The following POTEG variants were observed in gnomAD, a reference collection of about 807,000 sequenced individuals.
The protein encoded by POTEG is POTE ankyrin domain family member G, also known as ANKRD26-like family C member 2.
In POTEG, 2 loss-of-function variants were observed where a neutral mutation model predicts 49.6. The ratio of observed to expected loss-of-function variants is 0.04; its 90% CI spans 0.02 to 0.13. The LOEUF is 0.13. POTEG is among the 10% of genes least tolerant of loss of function. The probability of loss-of-function intolerance (pLI) is 1.00; values close to 1 mark genes in which losing one functional copy is unlikely to be tolerated. For missense variants in POTEG, 26 were observed against 545.2 expected, an observed-to-expected ratio of 0.05 and a Z score of 9.48; for synonymous variants, 7 against 186.6, an observed-to-expected ratio of 0.04 and a Z score of 7.84.
rs1305892213 is a variant in POTEG at position 19,434,046 on chromosome 14, T to G, written c.244A>C (p.Thr82Pro). ...CRGSSKSNVG[T>P]SGDHDDSAMK... ...GCAGAGTCGTCGTGGTCTCCAGAAG[T>G]GCCCACGTTGCTCTTGCTGCTCCCC... The change falls in exon 1 of 11, where the codon ACT becomes CCT. Residue 82 changes from threonine to proline, a missense_variant. By Grantham distance (38) the Thr-to-Pro change is conservative. Coordinates refer to ENST00000547848, the MANE Select transcript of POTEG (RefSeq NM_001005356.3). 2.1e-6 allele frequency: 3 copies of G among 1,404,046 alleles called. No individual in the cohort carries two copies. The highest frequency in any genetic ancestry group is 3.1e-5 in the African/African-American group (2 of 65,186). 87.0% of individuals were successfully genotyped at this position (1,404,046 alleles called of 1,614,324 possible). A position where few individuals can be genotyped will look rare whatever the true frequency, so the allele number is the denominator to read the frequency against.
At chr14:19,432,366 G>GTATATA (rs58599371) in intron 1 of POTEG, among the ~76,000 whole-genome samples, 553 of 37,626 alleles carry the variant, frequency 0.015, 5 homozygotes, top group African/African-American at 0.036. Flanking sequence ...AAGAAATTTT[G>GTATATA]TATATATATA....
chr14:19,414,853 C>CA (rs1388782953), intron 7 of POTEG, among the ~76,000 whole-genome samples: 1 of 135,110 alleles, frequency 7.4e-6, no homozygotes, highest in Non-Finnish European at 1.7e-5. Flanking sequence ...TCACCTTAGC[C>CA]AAAGGGAGAA....
At chr14:19,416,038 G>A (rs1163713240) in intron 7 of POTEG, among the ~76,000 whole-genome samples, 6 of 146,356 alleles carry the variant, frequency 4.1e-5, no homozygotes, top group Non-Finnish European at 7.6e-5. Context: ...TAGAGACGGG[G>A]TTTCATCATC....
chr14:19,432,927 CTT>C (rs1168507306), intron 1 of POTEG, among the ~76,000 whole-genome samples: 5 of 16,290 alleles, frequency 3.1e-4, no homozygotes, highest in Non-Finnish European at 2.4e-4. Flanking sequence ...AAAAAGCTCA[CTT>C]TTTTTTTTTT....
intron 1 of POTEG, among the ~76,000 whole-genome samples, chr14:19,432,420 ATATG>A (rs1884187888): frequency 1.1e-5 from 1 of 94,858 alleles, no homozygotes; most frequent in Non-Finnish European, 2.2e-5. Flanking sequence ...ACATGTATAT[ATATG>A]TATATACGTA....
chr14:19,433,134 A>G (rs1246905175), intron 1 of POTEG, among the ~76,000 whole-genome samples: 2 of 148,284 alleles, frequency 1.3e-5, no homozygotes, highest in Non-Finnish European at 3.0e-5. Flanking sequence ...TCACCGTGTT[A>G]GCCAGGATGG....
At chr14:19,408,590 GGCTTACGCCTGTAATCCACCCA>G (rs1253310254) in intron 9 of POTEG, among the ~76,000 whole-genome samples, 57 of 150,398 alleles carry the variant, frequency 3.8e-4, no homozygotes, top group Admixed American at 7.9e-4. Flanking sequence ...CGGACATGGT[GGCTTACGCCTGTAATCCACCCA>G]GCACTTTGTG....
intron 7 of POTEG, among the ~76,000 whole-genome samples, chr14:19,415,841 T>C (rs1451674758): frequency 0.017 from 2,258 of 131,524 alleles, 27 homozygotes; most frequent in East Asian, 0.054. Context: ...TTTTTTTTTT[T>C]TTTTTTTTTT....
chr14:19,432,319 G>T (rs1884162186), intron 1 of POTEG, among the ~76,000 whole-genome samples: 1 of 79,244 alleles, frequency 1.3e-5, no homozygotes, highest in African/African-American at 5.0e-5. Flanking sequence ...CTGCACTCCA[G>T]CCTGGGCAAC....
chr14:19,420,235 CT>C (rs1210410206), intron 6 of POTEG, among the ~76,000 whole-genome samples: 3 of 121,630 alleles, frequency 2.5e-5, no homozygotes, highest in African/African-American at 1.0e-4. Context: ...ATCATACCTA[CT>C]TTTTTCCAAA....
At chr14:19,425,449 T>G (rs532748370) in intron 4 of POTEG, among the ~76,000 whole-genome samples, 157 bp downstream of exon 4, 1 of 63,094 alleles carries the variant, frequency 1.6e-5, no homozygotes, top group Non-Finnish European at 4.2e-5. Flanking sequence ...CTAAAACTTT[T>G]ATGTTGCCCA....
At chr14:19,416,010 A>C (rs1385408384) in intron 7 of POTEG, among the ~76,000 whole-genome samples, 1 of 148,058 alleles carries the variant, frequency 6.8e-6, no homozygotes, top group East Asian at 2.0e-4. Context: ...ACACCCGGCT[A>C]AGATTTTGTA....
In POTEG at chr14:19,425,821, A is replaced by C. The variant is rs566910384; in HGVS notation, c.811-109T>G. 7.8e-3 allele frequency: 1,248 copies of C among 160,298 alleles called. 108 individuals carry two copies. The highest frequency in any genetic ancestry group is 0.063 in the African/African-American group (921 of 14,708). 9.9% of individuals were successfully genotyped at this position (160,298 alleles called of 1,614,324 possible). ...TTATGGACTTACATGCATAGAAAGTAAATAAAATGTAGTCGCTTCCTTCTC... is the reference window on the plus strand; with the variant it reads ...TTATGGACTTACATGCATAGAAAGTCAATAAAATGTAGTCGCTTCCTTCTC... On this transcript the variant is annotated intron_variant, in intron 3 of 10. Coordinates refer to ENST00000547848, the MANE Select transcript of POTEG (RefSeq NM_001005356.3).
intron 3 of POTEG, among the ~76,000 whole-genome samples, chr14:19,427,668 C>T (rs1884009669): frequency 6.6e-6 from 1 of 152,310 alleles, no homozygotes; most frequent in Non-Finnish European, 1.5e-5. Flanking sequence ...CCTTCCCATC[C>T]AGACACTCTA....
intron 4 of POTEG, chr14:19,424,673 A>T (rs552229019): frequency 1.4e-5 from 1 of 73,070 alleles, no homozygotes; most frequent in African/African-American, 6.0e-5. Flanking sequence ...GGGTAAAATA[A>T]ATAAGACCTC....
chr14:19,414,454 T>C (rs1883467368), intron 8 of POTEG, 108 bp downstream of exon 8: 1 of 851,462 alleles, frequency 1.2e-6, no homozygotes, highest in African/African-American at 1.7e-5. Flanking sequence ...ACTGATGATT[T>C]ATGCTACTTA....
intron 1 of POTEG, among the ~76,000 whole-genome samples, chr14:19,432,414 G>T (rs1320717855): frequency 6.6e-5 from 2 of 30,202 alleles, no homozygotes; most frequent in East Asian, 7.1e-4. Context: ...ACACACACAT[G>T]TATATATATG....
intron 3 of POTEG, among the ~76,000 whole-genome samples, chr14:19,426,112 C>CA (rs1454854709): frequency 1.0e-4 from 13 of 127,644 alleles, no homozygotes; most frequent in Non-Finnish European, 2.0e-4. Flanking sequence ...CAAGAATTTG[C>CA]ATGTAAAATA....
At position 19,425,631 on chromosome 14, in the gene POTEG, A is replaced by C. The variant is rs779607274; in HGVS notation, c.892T>G (p.Leu298Val). 1.7e-5 allele frequency: 11 copies of C among 637,488 alleles called. 1 individual carries two copies. The highest frequency in any genetic ancestry group is 5.2e-5 in the South Asian group (2 of 38,360). The allele number at this position is 637,488 out of a possible 1,614,324, so 39.5% of individuals were successfully genotyped here. The change falls in exon 4 of 11, where the codon TTA (leucine) becomes GTA (valine). Residue 298 changes from leucine to valine, a missense_variant. Coordinates refer to ENST00000547848, the MANE Select transcript of POTEG (RefSeq NM_001005356.3). The part of the protein sequence containing the change: ...VKFLIKKKAN[L>V]NALDRYGRTA... ...CTTCCATATCTATCCAGTGCATTTAAATTTGCTTTTTTCTTGATTAAGAAT... is the reference window on the plus strand; with the variant it reads ...CTTCCATATCTATCCAGTGCATTTACATTTGCTTTTTTCTTGATTAAGAAT...
Sources: gnomAD v4.1 joint callset for allele counts (sites outside exome capture counted in the v4.1 genomes callset) on GRCh38, gnomAD v4.1.1 for gene constraint, MANE v1.5 for transcripts, NCBI Gene and HGNC (gene_info 2026-07-23, HGNC 2026-07-21) for gene names.